Variants in PRKACA observed in about 807,000 individuals in gnomAD.
PRKACA encodes protein kinase cAMP-activated catalytic subunit alpha.
A neutral mutation model predicts 45.8 loss-of-function variants in PRKACA; 9 were observed. That is an observed-to-expected ratio of 0.20 (90% confidence interval 0.12 to 0.34). PRKACA has a LOEUF of 0.34. PRKACA is among the 10% of genes least tolerant of loss of function. PRKACA has a pLI of 1.00. For missense variants in PRKACA, 238 were observed against 458.6 expected, an observed-to-expected ratio of 0.52 and a Z score of 4.39; for synonymous variants, 160 against 178.6, an observed-to-expected ratio of 0.90 and a Z score of 0.83.
At chr19:14,105,872 G>C (rs1977588539) in intron 3 of PRKACA, among the ~76,000 whole-genome samples, 1 of 152,202 alleles carries the variant, frequency 6.6e-6, no homozygotes, top group Non-Finnish European at 1.5e-5. Context: ...AATATTTACG[G>C]GAAGAAAGTG....
At chr19:14,114,166 T>C (rs754717890) in intron 1 of PRKACA, 3 of 1,610,970 alleles carry the variant, frequency 1.9e-6, no homozygotes, top group Non-Finnish European at 2.5e-6. Context: ...CACTCAGTCC[T>C]GTTCTCAGGG....
At position 14,097,896 on chromosome 19, in the gene PRKACA, G is replaced by A; in HGVS notation, c.420-6C>T. 6.2e-7 allele frequency: 1 copy of A among 1,614,030 alleles called. No homozygotes were observed. The highest frequency in any genetic ancestry group is 8.5e-7 in the Non-Finnish European group (1 of 1,179,992). On this transcript the variant is annotated splice_region_variant and splice_polypyrimidine_tract_variant and intron_variant, in intron 5 of 9. Coordinates refer to ENST00000308677, the MANE Select transcript of PRKACA (RefSeq NM_002730.4). The surrounding 1 kb of genome is among the most constrained non-coding windows in gnomAD (Gnocchi z 5.4). ...AGAAACGGGCATGGGGCTCACTGAT[G>A]GGGACAAATGGGGAGGTGAACGTCA... is the stretch of plus-strand genomic sequence containing the variant.
intron 1 of PRKACA, 65 bp downstream of exon 1, chr19:14,117,437 G>A (rs574313112): frequency 7.2e-6 from 9 of 1,248,838 alleles, no homozygotes; most frequent in South Asian, 3.3e-5. Context: ...GGGGCCAGGC[G>A]ATGATGGACA....
intron 1 of PRKACA, among the ~76,000 whole-genome samples, chr19:14,109,999 T>TATATACAC (rs1555774928): frequency 1.8e-4 from 10 of 55,474 alleles, no homozygotes; most frequent in Non-Finnish European, 2.1e-4. Context: ...TATATATATA[T>TATATACAC]ACACACACAC....
At chr19:14,107,226 A>C in intron 2 of PRKACA, 122 bp downstream of exon 2, 2 of 1,086,952 alleles carry the variant, frequency 1.8e-6, no homozygotes, top group Non-Finnish European at 2.7e-6. Context: ...CTAGGGAGCA[A>C]ATGGGGAGGG....
chr19:14,097,475 G>A lies in PRKACA; in HGVS notation c.651C>T (p.Asn217=), dbSNP rs1338168639. ...APEIILSKGY[N]KAVDWWALGV... is the part of the protein sequence containing the mutation. ...CCAGGGCCCACCAGTCCACGGCCTT[G>A]TTGTAGCCCTGGAGCAAGATGGGGG... Residue 217 remains asparagine, a synonymous_variant, in exon 8 of 10, where the codon AAC becomes AAT. Coordinates refer to ENST00000308677, the MANE Select transcript of PRKACA (RefSeq NM_002730.4). This position sits in a 1 kb window ranked among gnomAD's most constrained non-coding sequence, Gnocchi z 5.4. The A allele has an allele frequency of 6.8e-6, 11 of 1,614,002 alleles. No homozygotes were observed. The highest frequency in any genetic ancestry group is 1.3e-5 in the African/African-American group (1 of 74,920).
intron 8 of PRKACA, among the ~76,000 whole-genome samples, chr19:14,096,137 C>T (rs1320950298): frequency 2.1e-5 from 3 of 142,314 alleles, no homozygotes; most frequent in Non-Finnish European, 4.5e-5. Context: ...CTCCTGGGTT[C>T]AAGTGATTCT....
At position 14,115,728 on chromosome 19, in the gene PRKACA, A is replaced by AC. The variant is rs1396432484; in HGVS notation, c.46+1773dup. 2.0e-5 allele frequency among the ~76,000 whole-genome samples: 3 copies of AC among 151,372 alleles called. No homozygotes were observed. In the East Asian group the frequency reaches 5.8e-4, roughly 29 times the overall value. ...GATCCTTTTTCTTGTGTGGCTTTCCACCCCCCACCACATGTGTCTGATAGC... is the reference window on the plus strand; with the variant it reads ...GATCCTTTTTCTTGTGTGGCTTTCCACCCCCCCACCACATGTGTCTGATAGC... On this transcript the variant is annotated intron_variant, in intron 1 of 9. Coordinates refer to ENST00000308677, the MANE Select transcript of PRKACA (RefSeq NM_002730.4).
chr19:14,099,197 CAA>C (rs1977365755), intron 5 of PRKACA, among the ~76,000 whole-genome samples: 1 of 152,108 alleles, frequency 6.6e-6, no homozygotes, highest in African/African-American at 2.4e-5. Flanking sequence ...GAGGCTGAGA[CAA>C]GAGAATCACT....
Position 14,117,402 on chromosome 19 carries a change from G to C in PRKACA, c.46+100C>G, listed in dbSNP as rs1967131906. On this transcript the variant is annotated intron_variant, in intron 1 of 9. Transcript: ENST00000308677. ...CAAGGGGCGCTGGGGGGTAGGCAGA[G>C]AGGATGAGGGGCCCCGTAGGGGGAG... 2.6e-6 allele frequency: 3 copies of C among 1,159,454 alleles called. No individual in the cohort carries two copies. The Admixed American group carries it at 1.4e-4, about 56-fold the overall frequency. The allele number at this position is 1,159,454 out of a possible 1,614,324, so 71.8% of individuals were successfully genotyped here.
rs978834233 is a variant in PRKACA, at chr19:14,092,037, G to C, written c.*1075C>G. On this transcript the variant is annotated 3_prime_UTR_variant, in exon 10 of 10. Coordinates refer to ENST00000308677, the MANE Select transcript of PRKACA (RefSeq NM_002730.4). ...AGCTGGTGGGTGAGTAAAACAGGCA[G>C]CCCCTCCCCAGCAGCTCTAGCCTTG... 5 of 152,362 alleles carry C rather than the reference G, an allele frequency of 3.3e-5. No individual in the cohort carries two copies. Among genetic ancestry groups the C allele is most frequent in the African/African-American group, 1.2e-4 (5 of 41,454 alleles). 9.4% of individuals were successfully genotyped at this position (152,362 alleles called of 1,614,324 possible).
intron 1 of PRKACA, 105 bp downstream of exon 1, chr19:14,117,397 G>A: frequency 1.8e-6 from 2 of 1,138,728 alleles, no homozygotes; most frequent in Non-Finnish European, 2.2e-6. Context: ...TGGGGGGTAG[G>A]CAGAGAGGAT....
rs544838575 is a variant in PRKACA at position 14,107,892 on chromosome 19, G to A, written c.47-483C>T. Reference sequence around the variant, plus strand: ...CCCCCAGCTGGCCCTGTTCCTCTCCGTGGCAATCGCAAGGGCATTGCTCCA... The same window carrying A: ...CCCCCAGCTGGCCCTGTTCCTCTCCATGGCAATCGCAAGGGCATTGCTCCA... On this transcript the variant is annotated intron_variant, in intron 1 of 9. Coordinates refer to ENST00000308677, the MANE Select transcript of PRKACA (RefSeq NM_002730.4). 56 of 989,278 alleles carry A rather than the reference G, an allele frequency of 5.7e-5. No individual in the cohort carries two copies. The African/African-American group carries it at 6.4e-4, about 11-fold the overall frequency. The allele number at this position is 989,278 out of a possible 1,614,324, so 61.3% of individuals were successfully genotyped here.
chr19:14,093,049 C>G lies in PRKACA; in HGVS notation c.*63G>C. On this transcript the variant is annotated 3_prime_UTR_variant, in exon 10 of 10. Transcript: ENST00000308677. ...CTCTGGCTGTTCAATCCAACCCTCCCACCCCCCCGACCAAAAAAAAGAAAA... is the reference window on the plus strand; with the variant it reads ...CTCTGGCTGTTCAATCCAACCCTCCGACCCCCCCGACCAAAAAAAAGAAAA... 4 of 897,064 alleles carry G rather than the reference C, an allele frequency of 4.5e-6. No individual in the cohort carries two copies. Among genetic ancestry groups the G allele is most frequent in the Non-Finnish European group, 6.2e-6 (4 of 645,022 alleles). 55.6% of individuals were successfully genotyped at this position (897,064 alleles called of 1,614,324 possible).
intron 1 of PRKACA, chr19:14,114,259 G>T: frequency 6.8e-7 from 1 of 1,479,514 alleles, no homozygotes; most frequent in Non-Finnish European, 9.3e-7. Context: ...TGCCTGCAGG[G>T]GGAGCTAGGG....
chr19:14,114,295 A>C, intron 1 of PRKACA: 1 of 1,183,680 alleles, frequency 8.4e-7, no homozygotes, highest in South Asian at 1.3e-5. Context: ...GCAGGAAGAG[A>C]AACCCAACCC....
At chr19:14,094,793 C>CT (rs1977196099) in intron 8 of PRKACA, among the ~76,000 whole-genome samples, 1 of 152,238 alleles carries the variant, frequency 6.6e-6, no homozygotes, top group African/African-American at 2.4e-5. Flanking sequence ...TCTCTCCTCT[C>CT]TTTCTGCATA....
At chr19:14,108,177 T>C in intron 1 of PRKACA, 1 of 985,074 alleles carries the variant, frequency 1.0e-6, no homozygotes, top group Non-Finnish European at 1.2e-6. Flanking sequence ...GGGCCAGGAC[T>C]TGGGGTCAAG....
chr19:14,103,060 G>T, intron 3 of PRKACA, 146 bp from the exon 4 acceptor site: 1 of 684,098 alleles, frequency 1.5e-6, no homozygotes, highest in Non-Finnish European at 2.6e-6. Context: ...CGGGCCCTTA[G>T]CTGATGCTGA....
Sources: gnomAD v4.1 joint callset for allele counts (sites outside exome capture counted in the v4.1 genomes callset) on GRCh38, gnomAD v4.1.1 for gene constraint, Gnocchi (gnomAD v3.1) non-coding constraint, MANE v1.5 for transcripts, NCBI Gene and HGNC (gene_info 2026-07-23, HGNC 2026-07-21) for gene names.